NBEA: variants seen among roughly 807,000 people sequenced by gnomAD.
The protein encoded by NBEA is lysosomal-trafficking regulator 2.
Under a neutral mutation model 343.4 loss-of-function variants are expected in NBEA, and 44 were observed. The ratio of observed to expected loss-of-function variants is 0.13; its 90% CI spans 0.10 to 0.16. NBEA has a LOEUF of 0.16. Among genes scored for constraint, NBEA ranks in the 10% least tolerant of loss-of-function variants. The pLI is 1.00. For synonymous variants in NBEA, 1,175 were observed against 1,238.7 expected, an observed-to-expected ratio of 0.95 and a Z score of 1.08; for missense variants, 2,555 against 3,631.3, an observed-to-expected ratio of 0.70 and a Z score of 7.62.
At chr13:35,387,975 A>T (rs2042323857) in intron 38 of NBEA, among the ~76,000 whole-genome samples, 1 of 152,172 alleles carries the variant, frequency 6.6e-6, no homozygotes, top group Non-Finnish European at 1.5e-5. Flanking sequence ...ATAGAGGAAA[A>T]TCTTTCCCCC....
intron 10 of NBEA, among the ~76,000 whole-genome samples, chr13:35,076,414 A>T (rs1474934738): frequency 6.6e-6 from 1 of 152,134 alleles, no homozygotes; most frequent in Non-Finnish European, 1.5e-5. Context: ...AAATGAATTT[A>T]TAAGTAGTAA....
chr13:35,476,525 T>C (rs1224040519), intron 41 of NBEA: 2 of 627,582 alleles, frequency 3.2e-6, no homozygotes, highest in East Asian at 5.5e-5. Flanking sequence ...CCAGCAAAGC[T>C]CTTCCAGTAG....
intron 10 of NBEA, among the ~76,000 whole-genome samples, chr13:35,074,205 GA>G: frequency 6.6e-6 from 1 of 152,156 alleles, no homozygotes; most frequent in Admixed American, 6.6e-5. Context: ...TTTGTGTCTA[GA>G]ATGACTCAAG....
At chr13:35,453,366 G>A (rs997404824) in intron 40 of NBEA, among the ~76,000 whole-genome samples, 35 of 152,042 alleles carry the variant, frequency 2.3e-4, no homozygotes, top group African/African-American at 8.5e-4. Flanking sequence ...CGATTTAAAT[G>A]TACTCTTAAG....
At chr13:35,150,566 A>G (rs901040974) in intron 18 of NBEA, among the ~76,000 whole-genome samples, 1 of 152,176 alleles carries the variant, frequency 6.6e-6, no homozygotes, top group African/African-American at 2.4e-5. Context: ...GCTTAGGTTT[A>G]ATTCATCTTG....
intron 38 of NBEA, among the ~76,000 whole-genome samples, chr13:35,354,184 G>A (rs1200236363): frequency 6.6e-6 from 1 of 152,278 alleles, no homozygotes; most frequent in African/African-American, 2.4e-5. Flanking sequence ...TAGCCAGGTT[G>A]ACATAAAATT....
At chr13:35,324,086 G>T (rs1381286220) in intron 36 of NBEA, among the ~76,000 whole-genome samples, 1 of 152,150 alleles carries the variant, frequency 6.6e-6, no homozygotes, top group African/African-American at 2.4e-5. Flanking sequence ...TGCATTTGTG[G>T]CTGGTGTATT....
chr13:35,383,637 A>G (rs1252430165), intron 38 of NBEA, among the ~76,000 whole-genome samples: 1 of 152,136 alleles, frequency 6.6e-6, no homozygotes, highest in Non-Finnish European at 1.5e-5. Flanking sequence ...TCGTGCAGGC[A>G]TCCTCCTAGC....
chr13:35,633,810 T>A (rs1477787496), intron 49 of NBEA, among the ~76,000 whole-genome samples: 3 of 152,174 alleles, frequency 2.0e-5, no homozygotes, highest in Non-Finnish European at 4.4e-5. Context: ...TCATTATATA[T>A]GACACCAAAA....
Position 35,139,303 on chromosome 13 carries a change from C to T in NBEA, c.2337-2966C>T, listed in dbSNP as rs144751245. Among the ~76,000 whole-genome samples the T allele has an allele frequency of 9.9e-3, 1,507 of 152,100 alleles. 21 individuals carry two copies. The highest frequency in any genetic ancestry group is 0.035 in the African/African-American group (1,452 of 41,510). On this transcript the variant is annotated intron_variant, in intron 17 of 58. Transcript: ENST00000379939. Reference sequence around the variant, plus strand: ...CTTGAACTCCTGACCTCAAGTGATCCGCCTGCCTCGGCCTCCCAAAGTGTT... The same window carrying T: ...CTTGAACTCCTGACCTCAAGTGATCTGCCTGCCTCGGCCTCCCAAAGTGTT...
intron 27 of NBEA, among the ~76,000 whole-genome samples, chr13:35,174,426 C>T (rs1292943309): frequency 6.6e-6 from 1 of 152,010 alleles, no homozygotes; most frequent in African/African-American, 2.4e-5. Flanking sequence ...CTTGTAATTA[C>T]ATGTTTAATA....
chr13:35,672,530 C>CTCA lies in NBEA; in HGVS notation c.*1539_*1540insTCA. ...AAGTTATTCATCACCAGGCTGTAAG[C>CTCA]AATATCTTGAGTTTGTAGCTTAGAA... On this transcript the variant is annotated 3_prime_UTR_variant, in exon 59 of 59. Transcript: ENST00000379939. The CTCA allele has an allele frequency of 6.6e-6, 1 of 152,582 alleles. No individual in the cohort carries two copies. Among genetic ancestry groups the CTCA allele is most frequent in the Non-Finnish European group, 1.5e-5 (1 of 68,032 alleles). The allele number at this position is 152,582 out of a possible 1,614,324, so 9.5% of individuals were successfully genotyped here. A position where few individuals can be genotyped will look rare whatever the true frequency, so the allele number is the denominator to read the frequency against.
chr13:35,533,572 A>G (rs1041115038), intron 41 of NBEA, among the ~76,000 whole-genome samples: 5 of 152,128 alleles, frequency 3.3e-5, no homozygotes. Flanking sequence ...TGCATACCCA[A>G]GAAGAATTTT....
At chr13:35,369,806 G>A (rs2041327102) in intron 38 of NBEA, among the ~76,000 whole-genome samples, 1 of 151,882 alleles carries the variant, frequency 6.6e-6, no homozygotes, top group Non-Finnish European at 1.5e-5. Context: ...AGGATGGTTT[G>A]ATTTCTTCTT....
At chr13:35,037,399 T>C (rs1046069071) in intron 1 of NBEA, among the ~76,000 whole-genome samples, 15 of 152,220 alleles carry the variant, frequency 9.9e-5, no homozygotes, top group African/African-American at 3.6e-4. Flanking sequence ...GATTGATTCT[T>C]GGTGCCTTAT....
In NBEA at chr13:35,159,157, G is replaced by C; in HGVS notation, c.2986G>C (p.Gly996Arg). ...GLSSQTTGAK[G>R]GMEIREIEDL... The stretch of plus-strand genomic sequence containing the variant: ...TTCATCACAGACAACAGGAGCAAAA[G>C]GTGGAATGGAAATTCGAGAGATAGA... Residue 996 changes from glycine to arginine, a missense_variant, in exon 22 of 59, where the codon GGT becomes CGT. Physicochemically the swap from Gly to Arg is moderately radical, Grantham distance 125. Coordinates refer to ENST00000379939, the MANE Select transcript of NBEA (RefSeq NM_001385012.1). 6.2e-7 allele frequency: 1 copy of C among 1,613,510 alleles called. No individual in the cohort carries two copies. Among genetic ancestry groups the C allele is most frequent in the Non-Finnish European group, 8.5e-7 (1 of 1,179,598 alleles).
At position 35,052,470 on chromosome 13, in the gene NBEA, C is replaced by T. The variant is rs184998201; in HGVS notation, c.972+2075C>T. On this transcript the variant is annotated intron_variant, in intron 6 of 58. Coordinates refer to ENST00000379939, the MANE Select transcript of NBEA (RefSeq NM_001385012.1). The stretch of plus-strand genomic sequence containing the variant: ...ATTTTCATATCTTCAATTTATAATA[C>T]ATATCTTGTGGATTCTTAATATGGA... Among the ~76,000 whole-genome samples the T allele has an allele frequency of 2.6e-3, 389 of 152,040 alleles. 3 individuals carry two copies. The highest frequency in any genetic ancestry group is 1.5e-3 in the Non-Finnish European group (100 of 67,888).
At chr13:35,173,409 A>C in intron 26 of NBEA, 55 bp from the exon 27 acceptor site, 1 of 1,435,902 alleles carries the variant, frequency 7.0e-7, no homozygotes. Context: ...AACTTTTTCC[A>C]GGATATCAAA....
At chr13:35,427,438 C>G (rs972568851) in intron 38 of NBEA, among the ~76,000 whole-genome samples, 18 of 152,126 alleles carry the variant, frequency 1.2e-4, no homozygotes, top group African/African-American at 4.1e-4. Context: ...GCGGTGGCTG[C>G]AGAACAGCAG....
Sources: allele counts gnomAD v4.1 joint callset (sites outside exome capture counted in the v4.1 genomes callset), GRCh38; gene constraint gnomAD v4.1.1; transcripts MANE v1.5; gene names NCBI Gene and HGNC (gene_info 2026-07-23, HGNC 2026-07-21).